The following SLCO2A1 variants were observed in gnomAD, a reference collection of about 807,000 sequenced individuals.
SLCO2A1 encodes solute carrier organic anion transporter family member 2A1.
SLCO2A1 carries 60 observed loss-of-function variants against 71.7 expected under a neutral mutation model. That is an observed-to-expected ratio of 0.84 (90% CI 0.68 to 1.04). The LOEUF (loss-of-function observed/expected upper bound fraction) is 1.04. SLCO2A1 is among the 50% of genes least tolerant of loss of function. SLCO2A1 has a pLI of 0.00. For missense variants in SLCO2A1, 745 were observed against 813.4 expected, an observed-to-expected ratio of 0.92 and a Z score of 1.02; for synonymous variants, 308 against 326.7, an observed-to-expected ratio of 0.94 and a Z score of 0.62.
intron 1 of SLCO2A1, among the ~76,000 whole-genome samples, chr3:134,019,344 C>G (rs747156678): frequency 1.1e-4 from 16 of 152,072 alleles, no homozygotes; most frequent in Non-Finnish European, 2.2e-4. Context: ...TCCATAGTTC[C>G]TGGTACATTC....
chr3:133,948,311 C>G (rs1045104991), intron 8 of SLCO2A1, among the ~76,000 whole-genome samples: 1 of 152,212 alleles, frequency 6.6e-6, no homozygotes, highest in Non-Finnish European at 1.5e-5. Flanking sequence ...CAGCCCCCAG[C>G]CTCCACCCAC....
rs536500718 is a variant in SLCO2A1 at position 134,020,228 on chromosome 3, G to A, written c.96+9479C>T. Among the ~76,000 whole-genome samples the A allele has an allele frequency of 3.2e-4, 48 of 152,234 alleles. No individual in the cohort carries two copies. In the South Asian group the frequency reaches 6.8e-3, roughly 22 times the overall value. On this transcript the variant is annotated intron_variant, in intron 1 of 13. Coordinates refer to ENST00000310926, the MANE Select transcript of SLCO2A1 (RefSeq NM_005630.3). ...AAAGGACAGGAATTGCTCACTTAGCGAGCTCGGCTCTTAAGACAGGAGTCT... is the reference window on the plus strand; with the variant it reads ...AAAGGACAGGAATTGCTCACTTAGCAAGCTCGGCTCTTAAGACAGGAGTCT...
intron 12 of SLCO2A1, among the ~76,000 whole-genome samples, chr3:133,936,957 C>CT (rs936740017): frequency 1.4e-4 from 21 of 151,992 alleles, no homozygotes; most frequent in South Asian, 2.1e-4. Flanking sequence ...ATAGGAAGTC[C>CT]TTTTTTTTAC....
intron 1 of SLCO2A1, among the ~76,000 whole-genome samples, chr3:133,993,170 C>G (rs1006788498): frequency 2.0e-5 from 3 of 152,242 alleles, no homozygotes; most frequent in Non-Finnish European, 4.4e-5. Context: ...GCTCCCCCTC[C>G]CCAGGGAGTA....
In SLCO2A1 at chr3:133,952,857, G is replaced by C. The variant is rs181779690; in HGVS notation, c.724+806C>G. 6.4e-3 allele frequency among the ~76,000 whole-genome samples: 977 copies of C among 152,276 alleles called. 12 individuals carry two copies. The highest frequency in any genetic ancestry group is 0.022 in the African/African-American group (918 of 41,530). The stretch of plus-strand genomic sequence containing the variant: ...GATCACTTGGCTAGTAAGAGATGGA[G>C]CCAGGATGAGACCCAGGCAGTCCCG... On this transcript the variant is annotated intron_variant, in intron 5 of 13. Transcript: ENST00000310926.
Position 133,934,825 on chromosome 3 carries a change from A to G in SLCO2A1, c.1820T>C (p.Leu607Pro). The G allele has an allele frequency of 6.2e-7, 1 of 1,610,010 alleles. No homozygotes were observed. The highest frequency in any genetic ancestry group is 8.5e-7 in the Non-Finnish European group (1 of 1,179,682). ...YDNDALRDRY[L>P]GLQMGYKALG... ...CGCCTTGTAGCCCATCTGCAGGCCCAGGTACCTGTGGGCAGGAGGAGGCAG... is the reference window on the plus strand; with the variant it reads ...CGCCTTGTAGCCCATCTGCAGGCCCGGGTACCTGTGGGCAGGAGGAGGCAG... Residue 607 changes from leucine to proline, a missense_variant, in exon 14 of 14, where the codon CTG (leucine) becomes CCG (proline). Coordinates refer to ENST00000310926, the MANE Select transcript of SLCO2A1 (RefSeq NM_005630.3).
intron 1 of SLCO2A1, among the ~76,000 whole-genome samples, chr3:134,007,533 A>G (rs1935246134): frequency 6.6e-6 from 1 of 152,226 alleles, no homozygotes; most frequent in Non-Finnish European, 1.5e-5. Flanking sequence ...TATGGATGGC[A>G]TAAATTCTGT....
In SLCO2A1 at chr3:133,973,788, A is replaced by G; in HGVS notation, c.272T>C (p.Phe91Ser). The stretch of plus-strand genomic sequence containing the variant: ...ACGTGGACGGTGCACCCGGCTGCCA[A>G]AGTAGCTGACAAAGATGATGAGGAT... ...NAILIIFVSY[F>S]GSRVHRPRLI... is the part of the protein sequence containing the mutation. Residue 91 changes from phenylalanine to serine, a missense_variant, in exon 3 of 14, where the codon TTT becomes TCT. Coordinates refer to ENST00000310926, the MANE Select transcript of SLCO2A1 (RefSeq NM_005630.3). 1 of 1,613,940 alleles carries G rather than the reference A, an allele frequency of 6.2e-7. No homozygotes were observed. The highest frequency in any genetic ancestry group is 8.5e-7 in the Non-Finnish European group (1 of 1,179,966).
At chr3:133,935,211 A>G (rs1329614051) in intron 13 of SLCO2A1, among the ~76,000 whole-genome samples, 3 of 151,850 alleles carry the variant, frequency 2.0e-5, no homozygotes, top group Admixed American at 2.0e-4. Flanking sequence ...CCACTCCCAT[A>G]CCATTTCCAG....
chr3:133,964,175 C>T (rs1304535594), intron 3 of SLCO2A1, among the ~76,000 whole-genome samples: 1 of 152,138 alleles, frequency 6.6e-6, no homozygotes, highest in Non-Finnish European at 1.5e-5. Flanking sequence ...CAGTCTGGGG[C>T]ACATTGTGGG....
chr3:133,994,147 T>C (rs1020595764), intron 1 of SLCO2A1, among the ~76,000 whole-genome samples: 13 of 152,212 alleles, frequency 8.5e-5, no homozygotes, highest in African/African-American at 3.1e-4. Context: ...TCACTCTTGG[T>C]CACTCTGTAT....
rs557922429 is a variant in SLCO2A1 at position 133,968,807 on chromosome 3, G to A, written c.397+4856C>T. 5.3e-5 allele frequency among the ~76,000 whole-genome samples: 8 copies of A among 152,330 alleles called. No homozygotes were observed. The East Asian group carries it at 9.6e-4, about 18-fold the overall frequency. On this transcript the variant is annotated intron_variant, in intron 3 of 13. Coordinates refer to ENST00000310926, the MANE Select transcript of SLCO2A1 (RefSeq NM_005630.3). Reference sequence around the variant, plus strand: ...GAAAACCTCTCCGCGCCTTCCAGACGTGGTCTTAGAGGCTTTGGCTGGATA... The same window carrying A: ...GAAAACCTCTCCGCGCCTTCCAGACATGGTCTTAGAGGCTTTGGCTGGATA...
intron 1 of SLCO2A1, among the ~76,000 whole-genome samples, chr3:133,996,369 A>G (rs1405891301): frequency 3.3e-5 from 5 of 152,232 alleles, no homozygotes; most frequent in African/African-American, 7.2e-5. Flanking sequence ...ACAGATGCTT[A>G]GAAGCAGGGC....
intron 1 of SLCO2A1, among the ~76,000 whole-genome samples, chr3:134,023,496 G>A (rs984154744): frequency 1.3e-5 from 2 of 152,164 alleles, no homozygotes; most frequent in Non-Finnish European, 2.9e-5. Context: ...TTAATCTGGG[G>A]AGATTTCAAT....
At chr3:133,985,614 T>C (rs998755518) in intron 1 of SLCO2A1, among the ~76,000 whole-genome samples, 9 of 152,246 alleles carry the variant, frequency 5.9e-5, no homozygotes, top group African/African-American at 1.4e-4. Context: ...AATTACATCA[T>C]GCGTTTGATT....
intron 1 of SLCO2A1, among the ~76,000 whole-genome samples, chr3:134,022,137 C>T (rs1382781124): frequency 6.6e-6 from 1 of 150,434 alleles, no homozygotes; most frequent in Non-Finnish European, 1.5e-5. Context: ...AAATTCTTGT[C>T]CTGAAATAAA....
In SLCO2A1 at chr3:133,980,350, G is replaced by A. The variant is rs370014906; in HGVS notation, c.97-732C>T. Reference sequence around the variant, plus strand: ...TTATCTCTGTATCTCACCTGGCCTCGTACCTGGTCCTGGGGTACTGAGTAA... The same window carrying A: ...TTATCTCTGTATCTCACCTGGCCTCATACCTGGTCCTGGGGTACTGAGTAA... On this transcript the variant is annotated intron_variant, in intron 1 of 13. Coordinates refer to ENST00000310926, the MANE Select transcript of SLCO2A1 (RefSeq NM_005630.3). Among the ~76,000 whole-genome samples, 13 of 149,122 alleles carry A rather than the reference G, an allele frequency of 8.7e-5. No homozygotes were observed. In the East Asian group the frequency reaches 1.2e-3, roughly 13 times the overall value.
intron 1 of SLCO2A1, 110 bp downstream of exon 1, chr3:134,029,597 G>C (rs1302219728): frequency 3.4e-5 from 27 of 792,252 alleles, no homozygotes; most frequent in Non-Finnish European, 4.9e-5. Flanking sequence ...GGCACAGGAG[G>C]GAGCCCGGGG....
chr3:133,938,542 G>A lies in SLCO2A1; in HGVS notation c.1626-49C>T, dbSNP rs535194554. The A allele has an allele frequency of 4.7e-5, 73 of 1,569,178 alleles. No homozygotes were observed. In the South Asian group the frequency reaches 6.4e-4, roughly 14 times the overall value. On this transcript the variant is annotated intron_variant, in intron 11 of 13. Transcript: ENST00000310926. ...GCAGTGGGAGGATTCAGGGCTGCACGATCCCTTGGGTAAGGGGCAGCCAGC... is the reference window on the plus strand; with the variant it reads ...GCAGTGGGAGGATTCAGGGCTGCACAATCCCTTGGGTAAGGGGCAGCCAGC...
Sources: allele counts gnomAD v4.1 joint callset (sites outside exome capture counted in the v4.1 genomes callset), GRCh38; gene constraint gnomAD v4.1.1; transcripts MANE v1.5; gene names NCBI Gene and HGNC (gene_info 2026-07-23, HGNC 2026-07-21).